Variants in PLXNA4 observed in about 807,000 individuals in gnomAD.
PLXNA4 encodes plexin A4.
PLXNA4 carries 44 observed loss-of-function variants against 191.8 expected under a neutral mutation model. The ratio of observed to expected loss-of-function variants is 0.23; its 90% CI spans 0.18 to 0.29. The LOEUF is 0.29. Ranked by LOEUF, PLXNA4 falls within the 10% of genes least tolerant of loss-of-function variation. The pLI is 1.00. For missense variants in PLXNA4, 1,800 were observed against 2,488.8 expected (o/e 0.72, Z 5.89); for synonymous variants, 1,082 against 1,009.5 (o/e 1.07, Z -1.36).
intron 4 of PLXNA4, among the ~76,000 whole-genome samples, chr7:132,246,958 C>T (rs943561375): frequency 2.7e-4 from 41 of 152,146 alleles, no homozygotes; most frequent in Admixed American, 2.6e-3. Context: ...CCTTGGTCTT[C>T]ATAAGTTTCT....
chr7:132,394,056 T>TTTG (rs1793638694), intron 3 of PLXNA4, among the ~76,000 whole-genome samples: 1 of 151,314 alleles, frequency 6.6e-6, no homozygotes, highest in Non-Finnish European at 1.5e-5. Flanking sequence ...AGCCTGGGAG[T>TTTG]TTGCCTGGCT....
At chr7:132,147,674 T>C (rs192318214) in intron 27 of PLXNA4, among the ~76,000 whole-genome samples, 102 of 152,338 alleles carry the variant, frequency 6.7e-4, no homozygotes, top group Admixed American at 1.1e-3. Flanking sequence ...TTCATGAAAG[T>C]TGGCTTTACT....
chr7:132,258,163 C>T (rs1042428780), intron 4 of PLXNA4, among the ~76,000 whole-genome samples: 9 of 152,204 alleles, frequency 5.9e-5, no homozygotes, highest in Non-Finnish European at 1.0e-4. Flanking sequence ...GAGGGTCTCC[C>T]CACCCCTGGT....
At chr7:132,571,192 T>A (rs546803271) in intron 1 of PLXNA4, among the ~76,000 whole-genome samples, 5 of 152,030 alleles carry the variant, frequency 3.3e-5, no homozygotes, top group African/African-American at 1.2e-4. Context: ...GGCTTTGGAG[T>A]GGGACAGAAC....
chr7:132,177,656 A>T (rs1389616628), intron 20 of PLXNA4, among the ~76,000 whole-genome samples: 1 of 152,198 alleles, frequency 6.6e-6, no homozygotes, highest in Non-Finnish European at 1.5e-5. Flanking sequence ...GCTTTTTATC[A>T]GTCTGCAGCT....
chr7:132,260,166 C>T (rs1351400957), intron 4 of PLXNA4, among the ~76,000 whole-genome samples: 3 of 151,998 alleles, frequency 2.0e-5, no homozygotes, highest in African/African-American at 4.8e-5. Context: ...AGGTATCAAC[C>T]CAAAGAAAAA....
At chr7:132,588,985 G>A (rs981647277) in intron 2 of PLXNA4, among the ~76,000 whole-genome samples, 2 of 152,084 alleles carry the variant, frequency 1.3e-5, no homozygotes, top group African/African-American at 4.8e-5. Context: ...AGATTTTCAT[G>A]GGACTATAAA....
chr7:132,621,295 G>A (rs1803261761), intron 2 of PLXNA4, among the ~76,000 whole-genome samples: 1 of 124,586 alleles, frequency 8.0e-6, no homozygotes, highest in African/African-American at 3.2e-5. Flanking sequence ...GAGTCTCACT[G>A]TCTCGCCCAG....
chr7:132,529,511 A>G (rs1486823660), intron 1 of PLXNA4, among the ~76,000 whole-genome samples: 2 of 152,140 alleles, frequency 1.3e-5, no homozygotes, highest in East Asian at 3.9e-4. Context: ...AAGTTTTTTT[A>G]AAAACACAGA....
chr7:132,374,771 C>G (rs1804590762), intron 3 of PLXNA4, among the ~76,000 whole-genome samples: 1 of 152,202 alleles, frequency 6.6e-6, no homozygotes, highest in African/African-American at 2.4e-5. Context: ...CTTGCACCAA[C>G]AGAGAGCATA....
At chr7:132,228,209 G>T (rs1381140126) in intron 6 of PLXNA4, 137 bp downstream of exon 6, 3 of 1,125,620 alleles carry the variant, frequency 2.7e-6, no homozygotes, top group Non-Finnish European at 3.8e-6. Flanking sequence ...TTGATATCCT[G>T]CACCCTTCTC....
intron 2 of PLXNA4, among the ~76,000 whole-genome samples, chr7:132,591,755 T>C (rs533274654): frequency 1.3e-5 from 2 of 152,124 alleles, no homozygotes; most frequent in Non-Finnish European, 1.5e-5. Flanking sequence ...TCAGATGCAT[T>C]AGTGTTGCCA....
chr7:132,440,514 A>G (rs1007248149), intron 3 of PLXNA4, among the ~76,000 whole-genome samples: 3 of 152,186 alleles, frequency 2.0e-5, no homozygotes, highest in Non-Finnish European at 2.9e-5. Context: ...ATCCAACTAT[A>G]TCAGAAAATC....
intron 25 of PLXNA4, among the ~76,000 whole-genome samples, chr7:132,150,480 CAG>C (rs1177925922): frequency 3.3e-5 from 5 of 152,030 alleles, no homozygotes; most frequent in Admixed American, 6.5e-5. Context: ...CTGGTTAAGT[CAG>C]AGGCTACATA....
chr7:132,273,129 T>A (rs904911875), intron 4 of PLXNA4, among the ~76,000 whole-genome samples: 1 of 152,178 alleles, frequency 6.6e-6, no homozygotes, highest in Non-Finnish European at 1.5e-5. Context: ...AAAACGGTCA[T>A]GAAGATGATC....
intron 3 of PLXNA4, among the ~76,000 whole-genome samples, chr7:132,471,063 A>C (rs1452333254): frequency 6.6e-6 from 1 of 152,122 alleles, no homozygotes; most frequent in African/African-American, 2.4e-5. Flanking sequence ...ATGGTTTAGT[A>C]CCATCCGCTT....
chr7:132,638,075 A>C (rs1375873123), intron 2 of PLXNA4, among the ~76,000 whole-genome samples: 4 of 152,198 alleles, frequency 2.6e-5, no homozygotes, highest in Non-Finnish European at 5.9e-5. Flanking sequence ...GCCCAGGCTG[A>C]AGCCTGGGCT....
Position 132,349,612 on chromosome 7 carries a change from G to C in PLXNA4, c.1372-51390C>G, listed in dbSNP as rs530356599. Among the ~76,000 whole-genome samples, 5 of 152,262 alleles carry C rather than the reference G, an allele frequency of 3.3e-5. No individual in the cohort carries two copies. In the South Asian group the frequency reaches 8.3e-4, roughly 25 times the overall value. ...GTTTCACGACCCTGACAGTAAAGGA[G>C]CTCATCCTAATAATGAAGCTACAGG... On this transcript the variant is annotated intron_variant, in intron 3 of 31. Coordinates refer to ENST00000321063, the MANE Select transcript of PLXNA4 (RefSeq NM_020911.2).
rs371104921 is a variant in PLXNA4 at position 132,508,556 on chromosome 7, C to A, written c.138G>T (p.Glu46Asp). ...CCAGGTGATTGAAACCCTCGGCGGGCTCTCCTCGGAATGTGACAAATGACC... is the reference window on the plus strand; with the variant it reads ...CCAGGTGATTGAAACCCTCGGCGGGATCTCCTCGGAATGTGACAAATGACC... ...KQRSFVTFRG[E>D]PAEGFNHLVV... Residue 46 changes from glutamate to aspartate, a missense_variant, in exon 2 of 32, where the codon GAG becomes GAT. Physicochemically the swap from Glu to Asp is conservative, Grantham distance 45 (BLOSUM62 2). Coordinates refer to ENST00000321063, the MANE Select transcript of PLXNA4 (RefSeq NM_020911.2). This position sits in a 1 kb window ranked among gnomAD's most constrained non-coding sequence, Gnocchi z 4.4. 1 of 1,614,180 alleles carries A rather than the reference C, an allele frequency of 6.2e-7. No individual in the cohort carries two copies. The highest frequency in any genetic ancestry group is 8.5e-7 in the Non-Finnish European group (1 of 1,180,018).
Sources: allele counts gnomAD v4.1 joint callset (sites outside exome capture counted in the v4.1 genomes callset), GRCh38; gene constraint gnomAD v4.1.1; non-coding constraint Gnocchi (gnomAD v3.1); transcripts MANE v1.5; gene names NCBI Gene and HGNC (gene_info 2026-07-23, HGNC 2026-07-21).